RBM17: variants seen among roughly 807,000 people sequenced by gnomAD.
RBM17 encodes the protein splicing factor 45.
Under a neutral mutation model 53.2 loss-of-function variants are expected in RBM17, and 7 were observed. The ratio of observed to expected loss-of-function variants is 0.13; its 90% CI spans 0.07 to 0.25. The LOEUF is 0.25. RBM17 is among the 10% of genes least tolerant of loss of function. The pLI, the probability that RBM17 is intolerant of heterozygous loss-of-function variation, is 1.00. For synonymous variants in RBM17, 167 were observed against 178.1 expected, an observed-to-expected ratio of 0.94 and a Z score of 0.50; for missense variants, 257 against 496.7, an observed-to-expected ratio of 0.52 and a Z score of 4.59.
In RBM17 at chr10:6,114,013, C is replaced by G. The variant is rs1046793573; in HGVS notation, c.931-36C>G. 72 of 1,369,254 alleles carry G rather than the reference C, an allele frequency of 5.3e-5. No individual in the cohort carries two copies. The Middle Eastern group carries it at 1.1e-3, about 21-fold the overall frequency. The allele number at this position is 1,369,254 out of a possible 1,614,324, so 84.8% of individuals were successfully genotyped here. On this transcript the variant is annotated intron_variant, in intron 9 of 11. Coordinates refer to ENST00000379888, the MANE Select transcript of RBM17 (RefSeq NM_032905.5). ...CTCTGCTAGGTGTTTGTAAGTTATACTTGGTACTTGAATTTGTTTATTTTT... is the reference window on the plus strand; with the variant it reads ...CTCTGCTAGGTGTTTGTAAGTTATAGTTGGTACTTGAATTTGTTTATTTTT...
chr10:6,095,317 A>G (rs1446119321), intron 1 of RBM17, among the ~76,000 whole-genome samples: 1 of 151,756 alleles, frequency 6.6e-6, no homozygotes, highest in Non-Finnish European at 1.5e-5. Flanking sequence ...GGTTCAGGCG[A>G]TTATCATGCC....
intron 5 of RBM17, chr10:6,108,421 C>T: frequency 2.2e-6 from 1 of 457,850 alleles, no homozygotes; most frequent in Non-Finnish European, 3.9e-6. Flanking sequence ...CCTTAAAATT[C>T]ATTTGCAGAC....
intron 2 of RBM17, among the ~76,000 whole-genome samples, chr10:6,098,570 T>TG (rs1840618342): frequency 3.4e-5 from 3 of 87,686 alleles, no homozygotes; most frequent in African/African-American, 1.6e-4. Context: ...TTTGTTTTTT[T>TG]TTTTTTTTTT....
intron 7 of RBM17, among the ~76,000 whole-genome samples, chr10:6,111,660 T>C (rs569803713): frequency 6.6e-6 from 1 of 152,214 alleles, no homozygotes; most frequent in Non-Finnish European, 1.5e-5. Context: ...ATTTCTAATA[T>C]GGCGTCTTGC....
chr10:6,114,298 A>G, intron 10 of RBM17, 151 bp downstream of exon 10: 1 of 532,454 alleles, frequency 1.9e-6, no homozygotes, highest in Non-Finnish European at 3.4e-6. Flanking sequence ...TTGCTCAATT[A>G]TTACAGTTTT....
rs1170701205 is a variant in RBM17 at position 6,098,853 on chromosome 10, A to G, written c.123+1665A>G. On this transcript the variant is annotated intron_variant, in intron 2 of 11. Coordinates refer to ENST00000379888, the MANE Select transcript of RBM17 (RefSeq NM_032905.5). ...GTGAGCCACCGTGTCCGGCCAATAC[A>G]CAGGTTTTTTTTCTTAAAAGTTCTA... is the stretch of plus-strand genomic sequence containing the variant. Among the ~76,000 whole-genome samples the G allele has an allele frequency of 5.3e-5, 8 of 150,024 alleles. No homozygotes were observed. The East Asian group carries it at 1.0e-3, about 19-fold the overall frequency.
chr10:6,106,772 A>G (rs1023925560), intron 5 of RBM17, among the ~76,000 whole-genome samples: 6 of 151,988 alleles, frequency 3.9e-5, no homozygotes, highest in Non-Finnish European at 8.8e-5. Flanking sequence ...TACTAAGGAC[A>G]TTTGTTTTTT....
At chr10:6,106,033 T>A (rs536751882) in intron 4 of RBM17, 108 bp from the exon 5 acceptor site, 1 of 720,856 alleles carries the variant, frequency 1.4e-6, no homozygotes, top group South Asian at 1.7e-5. Context: ...ACTTCATAGT[T>A]GATTGTGACA....
chr10:6,115,040 A>T (rs1840894356), intron 10 of RBM17, 199 bp from the exon 11 acceptor site: 3 of 579,578 alleles, frequency 5.2e-6, no homozygotes, highest in Non-Finnish European at 9.1e-6. Context: ...CCTGGCACCT[A>T]ACAATGCCTG....
At position 6,099,916 on chromosome 10, in the gene RBM17, G is replaced by A. The variant is rs554522704; in HGVS notation, c.124-1355G>A. On this transcript the variant is annotated intron_variant, in intron 2 of 11. Transcript: ENST00000379888. ...CTAATAAAAATACAAATATTAGCCC[G>A]GTGTGGTGGCGTGCATCTGTAATCC... 5.3e-5 allele frequency among the ~76,000 whole-genome samples: 8 copies of A among 152,146 alleles called. No homozygotes were observed. The South Asian group carries it at 1.5e-3, about 28-fold the overall frequency.
rs546554501 is a variant in RBM17, at chr10:6,102,570, A to T, written c.240+1183A>T. On this transcript the variant is annotated intron_variant, in intron 3 of 11. Transcript: ENST00000379888. ...AGTTTATTCCTGCTACATCTAATTTAAAAACTGGTTCATAGTTTCTTCTGT... is the reference window on the plus strand; with the variant it reads ...AGTTTATTCCTGCTACATCTAATTTTAAAACTGGTTCATAGTTTCTTCTGT... Among the ~76,000 whole-genome samples the T allele has an allele frequency of 5.3e-5, 8 of 152,328 alleles. No homozygotes were observed. In the East Asian group the frequency reaches 1.5e-3, roughly 29 times the overall value.
At chr10:6,102,456 GTTC>G (rs1840682216) in intron 3 of RBM17, among the ~76,000 whole-genome samples, 2 of 152,164 alleles carry the variant, frequency 1.3e-5, no homozygotes, top group South Asian at 2.1e-4. Flanking sequence ...AGGGCTGGTA[GTTC>G]TTCTGGAGGG....
intron 2 of RBM17, among the ~76,000 whole-genome samples, chr10:6,099,280 T>G (rs1016223985): frequency 1.1e-4 from 9 of 79,814 alleles, no homozygotes; most frequent in Admixed American, 2.6e-4. Flanking sequence ...GTTTTGTGGG[T>G]TTTTTTTTTT....
intron 4 of RBM17, among the ~76,000 whole-genome samples, 174 bp downstream of exon 4, chr10:6,105,271 A>T (rs1840732575): frequency 6.6e-6 from 1 of 152,270 alleles, no homozygotes; most frequent in Admixed American, 6.5e-5. Context: ...TCTCAGAATC[A>T]CAGCAAACTT....
At chr10:6,090,598 TTTAAC>T (rs1458058374) in intron 1 of RBM17, among the ~76,000 whole-genome samples, 1 of 152,172 alleles carries the variant, frequency 6.6e-6, no homozygotes, top group Non-Finnish European at 1.5e-5. Flanking sequence ...CCTGGTTTGT[TTTAAC>T]TTACCTTCCC....
intron 1 of RBM17, among the ~76,000 whole-genome samples, chr10:6,090,821 A>G (rs1037616866): frequency 6.6e-6 from 1 of 150,878 alleles, no homozygotes; most frequent in Non-Finnish European, 1.5e-5. Context: ...GAATGGAAAG[A>G]TTAAACTGAC....
intron 2 of RBM17, 142 bp downstream of exon 2, chr10:6,097,330 G>A: frequency 2.5e-6 from 2 of 804,804 alleles, no homozygotes; most frequent in Non-Finnish European, 2.0e-6. Flanking sequence ...AGAGGAATGA[G>A]GAGTTTAAGG....
At chr10:6,101,873 G>A (rs1840674647) in intron 3 of RBM17, among the ~76,000 whole-genome samples, 1 of 152,048 alleles carries the variant, frequency 6.6e-6, no homozygotes, top group Admixed American at 6.6e-5. Context: ...AGTACTTACT[G>A]ATTTATTGTG....
Position 6,113,450 on chromosome 10 carries a change from A to G in RBM17, c.857-58A>G, listed in dbSNP as rs141697371. On this transcript the variant is annotated intron_variant, in intron 8 of 11. Transcript: ENST00000379888. ...TGTAAGTAGGACTCAGTTCTGTAAC[A>G]CATCTAATGATATGCTGCTCAGTTC... 13 of 1,147,666 alleles carry G rather than the reference A, an allele frequency of 1.1e-5. No homozygotes were observed. In the East Asian group the frequency reaches 2.6e-4, roughly 23 times the overall value. 71.1% of individuals were successfully genotyped at this position (1,147,666 alleles called of 1,614,324 possible).
Sources: gnomAD v4.1 joint callset for allele counts (sites outside exome capture counted in the v4.1 genomes callset) on GRCh38, gnomAD v4.1.1 for gene constraint, MANE v1.5 for transcripts, NCBI Gene and HGNC (gene_info 2026-07-23, HGNC 2026-07-21) for gene names.